The following FER1L6 variants were observed in gnomAD, a reference collection of about 807,000 sequenced individuals.
FER1L6 encodes fer-1-like protein 6.
FER1L6 carries 177 observed loss-of-function variants against 219.2 expected under a neutral mutation model. That is an observed-to-expected ratio of 0.81 (90% CI 0.71 to 0.91). The LOEUF (loss-of-function observed/expected upper bound fraction) is 0.91, where lower values mean the gene tolerates loss of function less well. FER1L6 is among the 40% of genes least tolerant of loss of function. FER1L6 has a pLI of 0.00. For missense variants in FER1L6, 2,153 were observed against 2,259.9 expected, an observed-to-expected ratio of 0.95 and a Z score of 0.96; for synonymous variants, 768 against 824.3, an observed-to-expected ratio of 0.93 and a Z score of 1.17.
intron 20 of FER1L6, chr8:124,040,837 G>C (rs761357138): frequency 6.6e-6 from 1 of 152,134 alleles, no homozygotes; most frequent in Non-Finnish European, 1.5e-5. Flanking sequence ...TAATCCATTT[G>C]TGAAGGCAGA....
At chr8:124,010,858 C>T in intron 14 of FER1L6, 144 bp downstream of exon 14, 1 of 1,166,908 alleles carries the variant, frequency 8.6e-7, no homozygotes, top group East Asian at 2.4e-5. Context: ...CACGTGGATC[C>T]TACTATGCAA....
At chr8:124,098,028 A>AAT (rs2130971955) in intron 37 of FER1L6, 145 bp downstream of exon 37, 1 of 515,150 alleles carries the variant, frequency 1.9e-6, no homozygotes, top group Admixed American at 3.6e-5. Context: ...TTCTTTGTCT[A>AAT]ATATTTGTCT....
chr8:124,112,660 A>T (rs527449676), intron 39 of FER1L6, among the ~76,000 whole-genome samples: 1 of 152,232 alleles, frequency 6.6e-6, no homozygotes, highest in Admixed American at 6.5e-5. Context: ...GGAGGTTTCT[A>T]TGCTTCCAGT....
chr8:123,966,213 G>A lies in FER1L6; in HGVS notation c.307G>A (p.Val103Ile). 1 of 1,614,148 alleles carries A rather than the reference G, an allele frequency of 6.2e-7. No individual in the cohort carries two copies. The highest frequency in any genetic ancestry group is 8.5e-7 in the Non-Finnish European group (1 of 1,180,028). Residue 103 changes from valine (V) to isoleucine (I), a missense_variant, in exon 5 of 41, where the codon GTT (valine) becomes ATT (isoleucine). Transcript: ENST00000522917. ...RQLVGENIDPVVTIEIGDEKK... is the reference protein window; with the variant it reads ...RQLVGENIDPIVTIEIGDEKK... Reference sequence around the variant, plus strand: ...GCTGGTGGGTGAGAACATTGACCCAGTTGTGACCATTGAGATTGGGGATGA... The same window carrying A: ...GCTGGTGGGTGAGAACATTGACCCAATTGTGACCATTGAGATTGGGGATGA...
intron 1 of FER1L6, among the ~76,000 whole-genome samples, chr8:123,891,349 C>T (rs913098143): frequency 2.6e-5 from 4 of 151,344 alleles, no homozygotes; most frequent in Admixed American, 1.3e-4. Flanking sequence ...CCTGTTTTGT[C>T]GTATAATATT....
chr8:124,018,871 C>A (rs78766676), intron 16 of FER1L6, among the ~76,000 whole-genome samples: 4,120 of 152,272 alleles, frequency 0.027, 86 homozygotes, highest in East Asian at 0.079. Flanking sequence ...CTTTATCTCT[C>A]ACCTTAAGTA....
intron 12 of FER1L6, among the ~76,000 whole-genome samples, chr8:123,988,195 T>G (rs540495078): frequency 7.9e-5 from 12 of 152,338 alleles, no homozygotes; most frequent in African/African-American, 1.2e-4. Context: ...GTGTCTGTTG[T>G]TATGCCAGTA....
At chr8:124,093,321 C>T (rs1337857582) in intron 34 of FER1L6, among the ~76,000 whole-genome samples, 1 of 151,864 alleles carries the variant, frequency 6.6e-6, no homozygotes, top group Non-Finnish European at 1.5e-5. Context: ...ATATCACTTG[C>T]TCATGCCTTT....
chr8:123,884,440 A>C (rs1817164051), intron 1 of FER1L6, among the ~76,000 whole-genome samples: 1 of 152,162 alleles, frequency 6.6e-6, no homozygotes, highest in Admixed American at 6.5e-5. Flanking sequence ...TTGGCTGGGG[A>C]GGTGCCTGGG....
intron 2 of FER1L6, among the ~76,000 whole-genome samples, chr8:123,959,724 G>A (rs953409177): frequency 6.6e-6 from 1 of 152,162 alleles, no homozygotes; most frequent in African/African-American, 2.4e-5. Context: ...TAAAAGGTGA[G>A]TCCCCTGGAT....
chr8:123,976,184 C>A, intron 9 of FER1L6, 100 bp downstream of exon 9: 1 of 1,034,914 alleles, frequency 9.7e-7, no homozygotes, highest in Non-Finnish European at 1.4e-6. Context: ...TTAGGAAGTG[C>A]CTTGAAAGCA....
intron 28 of FER1L6, among the ~76,000 whole-genome samples, chr8:124,068,180 C>G (rs1820904511): frequency 6.6e-6 from 1 of 152,158 alleles, no homozygotes; most frequent in Non-Finnish European, 1.5e-5. Context: ...TTGGATAGAT[C>G]TTGTTTGGCA....
chr8:124,049,658 G>C lies in FER1L6; in HGVS notation c.2776G>C (p.Ala926Pro), dbSNP rs187477050. Reference sequence around the variant, plus strand: ...AGTGGCTGCTCCTGTTGTGAAGCTGGCTGACCAGGACTATGAGCCCCCCAG... The same window carrying C: ...AGTGGCTGCTCCTGTTGTGAAGCTGCCTGACCAGGACTATGAGCCCCCCAG... ...ATVAAPVVKL[A>P]DQDYEPPRLC... The change falls in exon 22 of 41, where the codon GCT becomes CCT. Residue 926 changes from alanine (A) to proline (P), a missense_variant. Transcript: ENST00000522917. The C allele has an allele frequency of 7.8e-5, 126 of 1,613,970 alleles. No homozygotes were observed. In the East Asian group the frequency reaches 2.5e-3, roughly 32 times the overall value.
chr8:124,055,569 C>T (rs1292629430), intron 22 of FER1L6, among the ~76,000 whole-genome samples: 1 of 152,118 alleles, frequency 6.6e-6, no homozygotes. Context: ...CTCGTTTCCC[C>T]TACTTTTATA....
intron 18 of FER1L6, 43 bp downstream of exon 18, chr8:124,023,639 T>C: frequency 6.3e-7 from 1 of 1,599,130 alleles, no homozygotes; most frequent in Admixed American, 1.7e-5. Context: ...AGATTTCTGT[T>C]TCTCTAGGGT....
At chr8:123,897,020 G>A (rs934520187) in intron 1 of FER1L6, among the ~76,000 whole-genome samples, 14 of 152,202 alleles carry the variant, frequency 9.2e-5, no homozygotes, top group African/African-American at 1.9e-4. Flanking sequence ...TATTCAGGCC[G>A]AAATTCTTTA....
rs530442783 is a variant in FER1L6, at chr8:123,955,000, G to T, written c.-7-992G>T. Among the ~76,000 whole-genome samples the T allele has an allele frequency of 4.6e-5, 7 of 152,288 alleles. No homozygotes were observed. In the East Asian group the frequency reaches 9.6e-4, roughly 21 times the overall value. On this transcript the variant is annotated intron_variant, in intron 1 of 40. Coordinates refer to ENST00000522917, the MANE Select transcript of FER1L6 (RefSeq NM_001039112.2). ...CAGTTTCATCCATCTGTGCCCCAGA[G>T]CCCTGTTCTCAGCAGTCCCCCAGCT... is the stretch of plus-strand genomic sequence containing the variant.
intron 10 of FER1L6, among the ~76,000 whole-genome samples, chr8:123,978,190 T>A (rs1052704724): frequency 3.3e-5 from 5 of 152,118 alleles, no homozygotes; most frequent in African/African-American, 1.2e-4. Context: ...TTCCCATAAT[T>A]GAAAAATGAG....
chr8:123,991,670 G>T (rs1034809990), intron 12 of FER1L6, among the ~76,000 whole-genome samples: 2 of 152,064 alleles, frequency 1.3e-5, no homozygotes, highest in Non-Finnish European at 2.9e-5. Flanking sequence ...TTTCCAATTT[G>T]AATGTCCTTT....
Sources: gnomAD v4.1 joint callset for allele counts (sites outside exome capture counted in the v4.1 genomes callset) on GRCh38, gnomAD v4.1.1 for gene constraint, MANE v1.5 for transcripts, NCBI Gene and HGNC (gene_info 2026-07-23, HGNC 2026-07-21) for gene names.